SLC16A10: variants seen among roughly 807,000 people sequenced by gnomAD.
SLC16A10 encodes solute carrier family 16 member 10.
A neutral mutation model predicts 40.0 loss-of-function variants in SLC16A10; 27 were observed. That is an observed-to-expected ratio of 0.67 (90% confidence interval 0.50 to 0.93). The LOEUF (loss-of-function observed/expected upper bound fraction) is 0.93, where lower values mean the gene tolerates loss of function less well. Among genes scored for constraint, SLC16A10 ranks in the 40% least tolerant of loss-of-function variants. The pLI is 0.00. For missense variants in SLC16A10, 529 were observed against 658.2 expected (o/e 0.80, Z 2.15); for synonymous variants, 213 against 249.8 (o/e 0.85, Z 1.39).
At chr6:111,158,104 AGAG>A (rs772859888) in intron 1 of SLC16A10, among the ~76,000 whole-genome samples, 12 of 152,266 alleles carry the variant, frequency 7.9e-5, no homozygotes, top group Middle Eastern at 6.8e-3. Context: ...TATAATGTGA[AGAG>A]AAGTTTTAAT....
chr6:111,088,204 C>T (rs999172360), intron 1 of SLC16A10, 109 bp downstream of exon 1: 1 of 1,166,174 alleles, frequency 8.6e-7, no homozygotes, highest in South Asian at 1.4e-5. Flanking sequence ...CGGTGGGTCC[C>T]TGTGCCAGAG....
At chr6:111,219,651 C>G (rs424817) in intron 5 of SLC16A10, among the ~76,000 whole-genome samples, 150,724 of 152,306 alleles carry the variant, frequency 0.99, 74,577 homozygotes, top group East Asian at 1. Context: ...CCTGTAAATA[C>G]CTAACTGGGT....
At chr6:111,121,556 G>A (rs1314356476) in intron 1 of SLC16A10, among the ~76,000 whole-genome samples, 3 of 152,326 alleles carry the variant, frequency 2.0e-5, no homozygotes, top group Middle Eastern at 3.4e-3. Flanking sequence ...GTGAGACCCT[G>A]TCTTAAACAA....
At position 111,131,468 on chromosome 6, in the gene SLC16A10, C is replaced by G. The variant is rs375766483; in HGVS notation, c.344-41227C>G. 2.0e-5 allele frequency among the ~76,000 whole-genome samples: 3 copies of G among 152,326 alleles called. No individual in the cohort carries two copies. The South Asian group carries it at 6.2e-4, about 32-fold the overall frequency. ...CTTGGGAGCTCTAAGAACAAGGACC[C>G]CCCGGTAACATTTTGGCCACCATGA... On this transcript the variant is annotated intron_variant, in intron 1 of 5. Transcript: ENST00000368851.
chr6:111,230,790 AT>A lies in SLC16A10; in HGVS notation c.*8561del, dbSNP rs774933212. ...TATTTTAATGTTTATTTGAAAATTAATTTTTTAATTATTTTGTATATTTTGA... is the reference window on the plus strand; with the variant it reads ...TATTTTAATGTTTATTTGAAAATTAATTTTTAATTATTTTGTATATTTTGA... On this transcript the variant is annotated 3_prime_UTR_variant, in exon 6 of 6. Coordinates refer to ENST00000368851, the MANE Select transcript of SLC16A10 (RefSeq NM_018593.5). 1.3e-5 allele frequency: 2 copies of A among 152,262 alleles called. No homozygotes were observed. Among genetic ancestry groups the A allele is most frequent in the South Asian group, 2.1e-4 (1 of 4,822 alleles). 9.4% of individuals were successfully genotyped at this position (152,262 alleles called of 1,614,324 possible). A position where few individuals can be genotyped will look rare whatever the true frequency, so the allele number is the denominator to read the frequency against.
intron 1 of SLC16A10, among the ~76,000 whole-genome samples, chr6:111,133,300 A>G (rs1771817858): frequency 6.6e-6 from 1 of 152,190 alleles, no homozygotes; most frequent in South Asian, 2.1e-4. Context: ...TTAGGACCAT[A>G]GAGAACGCTC....
chr6:111,216,171 A>G (rs1773417512), intron 4 of SLC16A10, among the ~76,000 whole-genome samples: 1 of 152,098 alleles, frequency 6.6e-6, no homozygotes, highest in African/African-American at 2.4e-5. Context: ...GGTCATAGAG[A>G]GCTTAGAACC....
At chr6:111,120,637 C>T (rs1036041909) in intron 1 of SLC16A10, among the ~76,000 whole-genome samples, 2 of 152,200 alleles carry the variant, frequency 1.3e-5, no homozygotes, top group African/African-American at 4.8e-5. Flanking sequence ...AGACTGGTGC[C>T]TGTCCATGAA....
At chr6:111,178,878 C>T (rs12214886) in intron 3 of SLC16A10, among the ~76,000 whole-genome samples, 17,668 of 152,102 alleles carry the variant, frequency 0.12, 1,143 homozygotes, top group Middle Eastern at 0.17. Flanking sequence ...AAAGTATAGC[C>T]GAACCAACTT....
chr6:111,188,883 T>A (rs1015185965), intron 3 of SLC16A10, among the ~76,000 whole-genome samples: 1 of 152,214 alleles, frequency 6.6e-6, no homozygotes, highest in South Asian at 2.1e-4. Context: ...CTTCTACTAA[T>A]AGATAAGAAC....
At chr6:111,117,163 A>G (rs1390715861) in intron 1 of SLC16A10, among the ~76,000 whole-genome samples, 1 of 152,008 alleles carries the variant, frequency 6.6e-6, no homozygotes, top group Non-Finnish European at 1.5e-5. Context: ...ATCCTGGCTA[A>G]CACGTTGAAA....
chr6:111,177,302 C>G lies in SLC16A10; in HGVS notation c.579C>G (p.His193Gln), dbSNP rs138486397. 39 of 1,612,158 alleles carry G rather than the reference C, an allele frequency of 2.4e-5. No homozygotes were observed. The African/African-American group carries it at 4.1e-4, about 17-fold the overall frequency. Residue 193 changes from histidine (H) to glutamine (Q), a missense_variant, in exon 3 of 6, where the codon CAC becomes CAG. Coordinates refer to ENST00000368851, the MANE Select transcript of SLC16A10 (RefSeq NM_018593.5). Reference protein sequence around the residue: ...AYQPSLVILGHYFKKRLGLVN... With the variant: ...AYQPSLVILGQYFKKRLGLVN... ...AGCCTTCATTGGTCATTTTGGGACA[C>G]TATTTCAAGAAGCGCCTTGGACTGG...
rs574660668 is a variant in SLC16A10, at chr6:111,219,390, G to A, written c.1315+348G>A. The stretch of plus-strand genomic sequence containing the variant: ...TAAAAAATAAAAAAATTAGCCAGGC[G>A]TGGTGGCATGCATCTGCAGTCCCAG... On this transcript the variant is annotated intron_variant, in intron 5 of 5. Transcript: ENST00000368851. Among the ~76,000 whole-genome samples, 29 of 152,054 alleles carry A rather than the reference G, an allele frequency of 1.9e-4. No homozygotes were observed. In the East Asian group the frequency reaches 3.1e-3, roughly 16 times the overall value.
chr6:111,144,016 C>T (rs1772030765), intron 1 of SLC16A10, among the ~76,000 whole-genome samples: 1 of 152,048 alleles, frequency 6.6e-6, no homozygotes, highest in East Asian at 1.9e-4. Context: ...GTAGGTTCCT[C>T]AGTTATAACA....
chr6:111,194,450 A>G (rs574451765), intron 3 of SLC16A10, among the ~76,000 whole-genome samples: 1 of 152,328 alleles, frequency 6.6e-6, no homozygotes, highest in African/African-American at 2.4e-5. Flanking sequence ...GCCAAGAAGT[A>G]TAGTCAGTCT....
Position 111,206,635 on chromosome 6 carries a change from A to C in SLC16A10, c.986A>C (p.Glu329Ala). Residue 329 changes from glutamate to alanine, a missense_variant, in exon 4 of 6, where the codon GAG becomes GCG. Glu to Ala is a moderately radical substitution (Grantham distance 107). Coordinates refer to ENST00000368851, the MANE Select transcript of SLC16A10 (RefSeq NM_018593.5). ...NERFQDEKNKEVVLMCIGVTS... is the reference protein window; with the variant it reads ...NERFQDEKNKAVVLMCIGVTS... ...AGATTTCAAGATGAAAAAAATAAAG[A>C]GGTTGTTCTCATGTGCATTGGCGTC... 1.2e-6 allele frequency: 2 copies of C among 1,614,068 alleles called. No individual in the cohort carries two copies. The highest frequency in any genetic ancestry group is 1.7e-6 in the Non-Finnish European group (2 of 1,180,024).
chr6:111,150,229 G>GC (rs1400836442), intron 1 of SLC16A10, among the ~76,000 whole-genome samples: 1 of 152,224 alleles, frequency 6.6e-6, no homozygotes, highest in African/African-American at 2.4e-5. Context: ...GCCACCTCAT[G>GC]CATGTGATGG....
chr6:111,175,193 C>G (rs773730663), intron 2 of SLC16A10, among the ~76,000 whole-genome samples: 1 of 152,166 alleles, frequency 6.6e-6, no homozygotes, highest in Non-Finnish European at 1.5e-5. Flanking sequence ...ATCCTTTTTG[C>G]ACATATGATT....
chr6:111,108,900 C>T, intron 1 of SLC16A10, among the ~76,000 whole-genome samples: 1 of 151,990 alleles, frequency 6.6e-6, no homozygotes. Flanking sequence ...GTATTATTTC[C>T]AATCATAATT....
Sources: allele counts gnomAD v4.1 joint callset (sites outside exome capture counted in the v4.1 genomes callset), GRCh38; gene constraint gnomAD v4.1.1; transcripts MANE v1.5; gene names NCBI Gene and HGNC (gene_info 2026-07-23, HGNC 2026-07-21).